CDH4: variants seen among roughly 807,000 people sequenced by gnomAD.
CDH4 encodes cadherin-4.
Under a neutral mutation model 86.0 loss-of-function variants are expected in CDH4, and 33 were observed. The observed-to-expected ratio is 0.38, with a 90% confidence interval of 0.29 to 0.51. The LOEUF is 0.51. Ranked by LOEUF, CDH4 falls within the 20% of genes least tolerant of loss-of-function variation. The pLI is 0.86. For synonymous variants in CDH4, 555 were observed against 549.4 expected (o/e 1.01, Z -0.14); for missense variants, 1,114 against 1,307.4 (o/e 0.85, Z 2.28).
At chr20:61,921,748 C>CAAA (rs11468230) in intron 9 of CDH4, among the ~76,000 whole-genome samples, 1 of 134,732 alleles carries the variant, frequency 7.4e-6, no homozygotes, top group African/African-American at 2.8e-5. Context: ...AAGACTCTGT[C>CAAA]AAAAAAAAAA....
intron 7 of CDH4, among the ~76,000 whole-genome samples, chr20:61,893,908 C>T (rs1449083748): frequency 6.6e-6 from 1 of 152,058 alleles, no homozygotes; most frequent in African/African-American, 2.4e-5. Flanking sequence ...TGACCATCTG[C>T]TGTTTGTAAT....
At chr20:61,302,970 C>T (rs995634832) in intron 2 of CDH4, among the ~76,000 whole-genome samples, 1 of 152,154 alleles carries the variant, frequency 6.6e-6, no homozygotes, top group African/African-American at 2.4e-5. Context: ...CAGGTGCCTC[C>T]AGAGGCTAGA....
chr20:61,680,910 T>C (rs2087505442), intron 2 of CDH4, among the ~76,000 whole-genome samples: 1 of 152,144 alleles, frequency 6.6e-6, no homozygotes, highest in Admixed American at 6.5e-5. Context: ...GGATGCACCA[T>C]TTCTTCCCTA....
At chr20:61,791,120 T>C (rs1352176188) in intron 4 of CDH4, among the ~76,000 whole-genome samples, 1 of 152,196 alleles carries the variant, frequency 6.6e-6, no homozygotes, top group Non-Finnish European at 1.5e-5. Context: ...GGCAAAAAAA[T>C]TGCGTCATGA....
At chr20:61,847,809 G>T (rs555725803) in intron 5 of CDH4, among the ~76,000 whole-genome samples, 1 of 151,988 alleles carries the variant, frequency 6.6e-6, no homozygotes, top group Non-Finnish European at 1.5e-5. Flanking sequence ...AGGGACGGAG[G>T]TGCCAAGCTC....
chr20:61,653,555 C>T (rs1214849680), intron 2 of CDH4, among the ~76,000 whole-genome samples: 58 of 139,270 alleles, frequency 4.2e-4, no homozygotes, highest in African/African-American at 1.4e-3. Context: ...GGTGGCTGGC[C>T]AGGCGGGGGC....
At chr20:61,669,392 G>A (rs1346367801) in intron 2 of CDH4, among the ~76,000 whole-genome samples, 1 of 152,234 alleles carries the variant, frequency 6.6e-6, no homozygotes, top group South Asian at 2.1e-4. Flanking sequence ...GGAGGGCCCA[G>A]GCCACAGAGG....
At chr20:61,885,717 G>A (rs1984511355) in intron 7 of CDH4, among the ~76,000 whole-genome samples, 1 of 152,194 alleles carries the variant, frequency 6.6e-6, no homozygotes, top group Non-Finnish European at 1.5e-5. Context: ...GTTTTCCGTG[G>A]TGCCTGCACT....
At chr20:61,474,665 C>G (rs1457828329) in intron 2 of CDH4, among the ~76,000 whole-genome samples, 2 of 151,736 alleles carry the variant, frequency 1.3e-5, no homozygotes, top group Non-Finnish European at 2.9e-5. Context: ...GCAACCAGAC[C>G]CTTTCTTTAA....
At position 61,661,084 on chromosome 20, in the gene CDH4, C is replaced by CGGGGG. The variant is rs56367674; in HGVS notation, c.170-82472_170-82468dup. On this transcript the variant is annotated intron_variant, in intron 2 of 15. Coordinates refer to ENST00000614565, the MANE Select transcript of CDH4 (RefSeq NM_001794.5). ...GAGGCGGCATGGACAGGAGGCATGG[C>CGGGGG]GGGGGGGGGGGAGACACAGTGCCAG... Among the ~76,000 whole-genome samples, 292 of 74,638 alleles carry CGGGGG rather than the reference C, an allele frequency of 3.9e-3. 21 individuals carry two copies. The highest frequency in any genetic ancestry group is 4.7e-3 in the South Asian group (11 of 2,334). The allele number at this position is 74,638 out of a possible 152,430, so 49.0% of individuals were successfully genotyped here. A position where few individuals can be genotyped will look rare whatever the true frequency, so the allele number is the denominator to read the frequency against.
At chr20:61,594,531 G>T (rs912174556) in intron 2 of CDH4, among the ~76,000 whole-genome samples, 55 of 152,214 alleles carry the variant, frequency 3.6e-4, no homozygotes, top group African/African-American at 1.3e-3. Context: ...GTGCATGGAA[G>T]GACTGTACCT....
intron 2 of CDH4, among the ~76,000 whole-genome samples, chr20:61,729,701 C>G (rs1199850801): frequency 6.6e-6 from 1 of 152,216 alleles, no homozygotes; most frequent in Non-Finnish European, 1.5e-5. Context: ...GTGTAAGGCA[C>G]ACACTTGTTG....
intron 15 of CDH4, among the ~76,000 whole-genome samples, chr20:61,936,365 CCCCTCCCCTTCCCCCACA>C (rs1461957025): frequency 6.3e-5 from 1 of 15,782 alleles, no homozygotes; most frequent in Middle Eastern, 0.023. Flanking sequence ...TTCCCCACAC[CCCCTCCCCTTCCCCCACA>C]CCCCCTCCCC....
intron 7 of CDH4, among the ~76,000 whole-genome samples, chr20:61,887,401 C>T (rs1457582632): frequency 1.3e-5 from 2 of 152,158 alleles, no homozygotes; most frequent in African/African-American, 4.8e-5. Flanking sequence ...CACACACACA[C>T]ACAACACGCA....
intron 2 of CDH4, among the ~76,000 whole-genome samples, chr20:61,349,587 G>A (rs138527545): frequency 7.2e-5 from 11 of 152,314 alleles, no homozygotes; most frequent in Non-Finnish European, 1.6e-4. Flanking sequence ...GGATGCTGCT[G>A]GATGTGTATG....
intron 2 of CDH4, among the ~76,000 whole-genome samples, chr20:61,552,819 C>T (rs559218659): frequency 6.6e-6 from 1 of 152,146 alleles, no homozygotes; most frequent in South Asian, 2.1e-4. Context: ...CATTGGAACC[C>T]TCATGCATTA....
intron 2 of CDH4, among the ~76,000 whole-genome samples, chr20:61,648,765 C>T (rs1372408282): frequency 1.3e-5 from 2 of 152,082 alleles, no homozygotes; most frequent in Admixed American, 6.6e-5. Context: ...GCATGTGTTA[C>T]GGGGATAGCA....
At chr20:61,288,971 A>G (rs200499879) in intron 2 of CDH4, among the ~76,000 whole-genome samples, 8 of 64,278 alleles carry the variant, frequency 1.2e-4, no homozygotes, top group Non-Finnish European at 2.0e-4. Context: ...CTATTAGGGA[A>G]GGAAAAAAAA....
chr20:61,432,400 A>G (rs190164392), intron 2 of CDH4, among the ~76,000 whole-genome samples: 18 of 152,284 alleles, frequency 1.2e-4, no homozygotes, highest in Admixed American at 8.5e-4. Context: ...AATATTAGGC[A>G]TATTTTCACG....
Sources: allele counts gnomAD v4.1 joint callset (sites outside exome capture counted in the v4.1 genomes callset), GRCh38; gene constraint gnomAD v4.1.1; transcripts MANE v1.5; gene names NCBI Gene and HGNC (gene_info 2026-07-23, HGNC 2026-07-21).